Variants in ZNF503 observed in about 807,000 individuals in gnomAD.
ZNF503 encodes the protein NocA-like zinc finger 2.
A neutral mutation model predicts 34.4 loss-of-function variants in ZNF503; 15 were observed. The observed-to-expected ratio is 0.44, with a 90% CI of 0.29 to 0.67. The LOEUF is 0.67. ZNF503 is among the 30% of genes least tolerant of loss of function. ZNF503 has a pLI of 0.13. For synonymous variants in ZNF503, 580 were observed against 456.8 expected, an observed-to-expected ratio of 1.27 and a Z score of -3.44; for missense variants, 1,007 against 926.8, an observed-to-expected ratio of 1.09 and a Z score of -1.12.
chr10:75,389,955 C>T, the ZNF503 span, among the ~76,000 whole-genome samples: 1 of 152,158 alleles, frequency 6.6e-6, no homozygotes, highest in East Asian at 1.9e-4. Flanking sequence ...AGCAGTGGTG[C>T]GATCTGCGCT....
At chr10:75,381,196 T>A in the ZNF503 span, among the ~76,000 whole-genome samples, 1 of 152,186 alleles carries the variant, frequency 6.6e-6, no homozygotes, top group East Asian at 1.9e-4. Flanking sequence ...ACTTCTGGGA[T>A]GTGCGTGTGT....
Position 75,400,157 on chromosome 10 carries a change from T to A in ZNF503, c.533A>T (p.Tyr178Phe). The change falls in exon 2 of 2, where the codon TAC becomes TTC. Residue 178 changes from tyrosine to phenylalanine, a missense_variant. By Grantham distance (22) the Tyr-to-Phe change is conservative. Coordinates refer to ENST00000372524, the MANE Select transcript of ZNF503 (RefSeq NM_032772.6). Reference protein sequence around the residue: ...GVEDKSSFKPYSKPGSDKKEP... With the variant: ...GVEDKSSFKPFSKPGSDKKEP... The stretch of plus-strand genomic sequence containing the variant: ...CTTCTTATCCGAGCCGGGTTTGGAG[T>A]ACGGCTTGAAACTCGACTTGTCCTC... The A allele has an allele frequency of 6.4e-7, 1 of 1,555,868 alleles. No homozygotes were observed. The highest frequency in any genetic ancestry group is 8.7e-7 in the Non-Finnish European group (1 of 1,153,244).
chr10:75,326,688 T>G, the ZNF503 span, among the ~76,000 whole-genome samples: 4 of 152,106 alleles, frequency 2.6e-5, no homozygotes, highest in East Asian at 1.9e-4. Flanking sequence ...TACATATTTA[T>G]GGGGTACAGT....
downstream of ZNF503, among the ~76,000 whole-genome samples, chr10:75,396,940 G>A (rs1229105017): frequency 6.6e-6 from 1 of 152,202 alleles, no homozygotes; most frequent in Non-Finnish European, 1.5e-5. This position sits in a 1 kb window ranked among gnomAD's most constrained non-coding sequence, Gnocchi z 4.4. Flanking sequence ...AGCGGCCCGC[G>A]CCACAGGGAG....
At chr10:75,373,490 C>T in the ZNF503 span, 2 of 152,342 alleles carry the variant, frequency 1.3e-5, no homozygotes, top group East Asian at 1.9e-4. Context: ...ACTCTGGGAA[C>T]CCGCAGGATA....
chr10:75,370,694 G>A, the ZNF503 span, among the ~76,000 whole-genome samples: 4 of 146,660 alleles, frequency 2.7e-5, no homozygotes, highest in Non-Finnish European at 3.0e-5. Context: ...CAGGAGAATC[G>A]CTTGAACCTG....
At chr10:75,338,507 A>G in the ZNF503 span, 2 of 152,226 alleles carry the variant, frequency 1.3e-5, no homozygotes, top group South Asian at 4.1e-4. Flanking sequence ...GATCTAATTG[A>G]TGTTAGCAAT....
the ZNF503 span, among the ~76,000 whole-genome samples, chr10:75,302,753 C>G: frequency 6.6e-6 from 1 of 152,178 alleles, no homozygotes; most frequent in Non-Finnish European, 1.5e-5. Context: ...CTGGTCCTTC[C>G]TGTTTGCTTG....
At chr10:75,362,133 A>ACTT in the ZNF503 span, among the ~76,000 whole-genome samples, 13 of 152,142 alleles carry the variant, frequency 8.5e-5, no homozygotes, top group African/African-American at 2.7e-4. Flanking sequence ...CAAAGCCCTA[A>ACTT]CTTCACTGGA....
At chr10:75,366,499 C>T in the ZNF503 span, among the ~76,000 whole-genome samples, 99 of 152,350 alleles carry the variant, frequency 6.5e-4, no homozygotes, top group African/African-American at 2.2e-3. Flanking sequence ...CTCCATCAGG[C>T]GTGGGGAACT....
the ZNF503 span, among the ~76,000 whole-genome samples, chr10:75,312,967 C>A: frequency 6.6e-6 from 1 of 152,124 alleles, no homozygotes. Flanking sequence ...AATGGGAGTT[C>A]CCCTGCACAT....
At chr10:75,391,709 A>G in the ZNF503 span, among the ~76,000 whole-genome samples, 1 of 152,036 alleles carries the variant, frequency 6.6e-6, no homozygotes, top group South Asian at 2.1e-4. Context: ...TTCCCGATTC[A>G]TGCACATTTG....
the ZNF503 span, among the ~76,000 whole-genome samples, chr10:75,367,307 G>A: frequency 0.018 from 2,683 of 151,872 alleles, 70 homozygotes; most frequent in African/African-American, 0.062. Context: ...CCCCACCCAC[G>A]CACGGGAAAC....
At position 75,398,994 on chromosome 10, in the gene ZNF503, C is replaced by T. The variant is rs527811293; in HGVS notation, c.1696G>A (p.Ala566Thr). Residue 566 changes from alanine to threonine, a missense_variant, in exon 2 of 2, where the codon GCG becomes ACG. Ala to Thr is a moderately conservative substitution (Grantham distance 58, BLOSUM62 0). Coordinates refer to ENST00000372524, the MANE Select transcript of ZNF503 (RefSeq NM_032772.6). ...TGCATGTGGCAAGCCATGGCGGCCG[C>T]GGCAGCGCTGGCCAGAGACGACGAG... is the stretch of plus-strand genomic sequence containing the variant. Reference protein sequence around the residue: ...PSSSSLASAAAAAMACHMHIP... With the variant: ...PSSSSLASAATAAMACHMHIP... The T allele has an allele frequency of 9.3e-6, 15 of 1,606,720 alleles. No individual in the cohort carries two copies. The highest frequency in any genetic ancestry group is 8.9e-5 in the East Asian group (4 of 44,812).
the ZNF503 span, among the ~76,000 whole-genome samples, chr10:75,306,889 A>G: frequency 6.6e-6 from 1 of 152,194 alleles, no homozygotes; most frequent in Admixed American, 6.5e-5. Context: ...TGTTGTGTGC[A>G]TTCTGACTGC....
chr10:75,300,341 T>C, the ZNF503 span, among the ~76,000 whole-genome samples: 6 of 152,340 alleles, frequency 3.9e-5, no homozygotes, highest in Admixed American at 2.0e-4. Context: ...AGATTTCATA[T>C]TGTTCAAACA....
At chr10:75,351,586 C>T in the ZNF503 span, among the ~76,000 whole-genome samples, 3 of 152,164 alleles carry the variant, frequency 2.0e-5, no homozygotes, top group Non-Finnish European at 4.4e-5. Flanking sequence ...AGAAGTGGGA[C>T]TCTCCCCAGC....
the ZNF503 span, among the ~76,000 whole-genome samples, chr10:75,287,429 G>A: frequency 1.3e-5 from 2 of 152,082 alleles, no homozygotes; most frequent in Non-Finnish European, 2.9e-5. Flanking sequence ...ATGCATGCCT[G>A]CTCCCCATCC....
In ZNF503 at chr10:75,399,974, C is replaced by T. The variant is rs752897716; in HGVS notation, c.716G>A (p.Gly239Glu). ...PSSSASACSPGGMLSSAGGAP... is the reference protein window; with the variant it reads ...PSSSASACSPEGMLSSAGGAP... Reference sequence around the variant, plus strand: ...ACCCCCGGCCGAGGACAGCATACCTCCCGGCGAGCAGGCCGAGGCGCTGGA... The same window carrying T: ...ACCCCCGGCCGAGGACAGCATACCTTCCGGCGAGCAGGCCGAGGCGCTGGA... Residue 239 changes from glycine (G) to glutamate (E), a missense_variant, in exon 2 of 2, where the codon GGA becomes GAA. Gly to Glu is a moderately conservative substitution (Grantham distance 98, BLOSUM62 -2). Coordinates refer to ENST00000372524, the MANE Select transcript of ZNF503 (RefSeq NM_032772.6). 1.9e-6 allele frequency: 3 copies of T among 1,606,628 alleles called. No homozygotes were observed. Among genetic ancestry groups the T allele is most frequent in the Admixed American group, 3.3e-5 (2 of 59,944 alleles).
Sources: gnomAD v4.1 joint callset for allele counts (sites outside exome capture counted in the v4.1 genomes callset) on GRCh38, gnomAD v4.1.1 for gene constraint, Gnocchi (gnomAD v3.1) non-coding constraint, MANE v1.5 for transcripts, NCBI Gene and HGNC (gene_info 2026-07-23, HGNC 2026-07-21) for gene names.